Variants in PTPRK observed in about 807,000 individuals in gnomAD.
PTPRK encodes the protein receptor-type tyrosine-protein phosphatase kappa.
PTPRK carries 75 observed loss-of-function variants against 178.0 expected under a neutral mutation model. The observed-to-expected ratio is 0.42, with a 90% CI of 0.35 to 0.51. PTPRK has a LOEUF of 0.51. Ranked by LOEUF, PTPRK falls within the 20% of genes least tolerant of loss-of-function variation. PTPRK has a pLI of 0.02. For synonymous variants in PTPRK, 637 were observed against 620.6 expected (o/e 1.03, Z -0.39); for missense variants, 1,441 against 1,797.8 (o/e 0.80, Z 3.59).
At chr6:128,359,954 C>G (rs1166753336) in intron 2 of PTPRK, among the ~76,000 whole-genome samples, 1 of 152,040 alleles carries the variant, frequency 6.6e-6, no homozygotes, top group African/African-American at 2.4e-5. Flanking sequence ...CAAGCATTTT[C>G]CACTGTATTA....
chr6:128,030,740 C>G (rs1393776022), intron 13 of PTPRK, among the ~76,000 whole-genome samples: 1 of 152,164 alleles, frequency 6.6e-6, no homozygotes, highest in Non-Finnish European at 1.5e-5. Context: ...AGCTTGTGCA[C>G]ATCAGGCTTG....
At chr6:128,018,248 T>C (rs75011138) in intron 13 of PTPRK, among the ~76,000 whole-genome samples, 2 of 152,092 alleles carry the variant, frequency 1.3e-5, no homozygotes, top group East Asian at 3.9e-4. Flanking sequence ...AGGTAACATA[T>C]TAAAAATGCT....
rs1364117908 is a variant in PTPRK at position 128,365,694 on chromosome 6, C to G, written c.223+31872G>C. Among the ~76,000 whole-genome samples, 3 of 152,196 alleles carry G rather than the reference C, an allele frequency of 2.0e-5. No homozygotes were observed. The East Asian group carries it at 5.8e-4, about 29-fold the overall frequency. On this transcript the variant is annotated intron_variant, in intron 2 of 29. Coordinates refer to ENST00000368226, the MANE Select transcript of PTPRK (RefSeq NM_002844.4). Reference sequence around the variant, plus strand: ...AATTTGTTATCAATATCAGCCTTGTCTTTGTACTTTTAGAACACAGAGAAC... The same window carrying G: ...AATTTGTTATCAATATCAGCCTTGTGTTTGTACTTTTAGAACACAGAGAAC...
At chr6:128,032,295 G>A (rs908230710) in intron 13 of PTPRK, among the ~76,000 whole-genome samples, 1 of 152,086 alleles carries the variant, frequency 6.6e-6, no homozygotes, top group Non-Finnish European at 1.5e-5. Context: ...TCTATGCTGT[G>A]TTTTTCAGCC....
intron 2 of PTPRK, among the ~76,000 whole-genome samples, chr6:128,395,917 C>A (rs541580030): frequency 6.6e-6 from 1 of 151,954 alleles, no homozygotes; most frequent in Non-Finnish European, 1.5e-5. Context: ...GTACACATCA[C>A]GGGGGAACCA....
intron 1 of PTPRK, among the ~76,000 whole-genome samples, chr6:128,513,793 T>A (rs1857522380): frequency 6.6e-6 from 1 of 152,168 alleles, no homozygotes; most frequent in East Asian, 1.9e-4. Flanking sequence ...TGATGCTAAT[T>A]ATATTGGTCC....
At chr6:128,455,274 A>G (rs980024950) in intron 1 of PTPRK, among the ~76,000 whole-genome samples, 1 of 152,150 alleles carries the variant, frequency 6.6e-6, no homozygotes, top group Non-Finnish European at 1.5e-5. Context: ...TAGATCCAAA[A>G]TGGGTATATT....
chr6:128,302,127 G>A (rs992758549), intron 3 of PTPRK, among the ~76,000 whole-genome samples: 2 of 151,864 alleles, frequency 1.3e-5, no homozygotes, highest in African/African-American at 2.4e-5. Context: ...GGTGGCTCAC[G>A]CCTGTAATCT....
At chr6:128,086,415 G>C (rs1785835857) in intron 8 of PTPRK, among the ~76,000 whole-genome samples, 1 of 152,040 alleles carries the variant, frequency 6.6e-6, no homozygotes, top group East Asian at 1.9e-4. Flanking sequence ...AGAAAATTCT[G>C]TTCGTCCATT....
At chr6:128,448,818 A>G (rs564781064) in intron 1 of PTPRK, among the ~76,000 whole-genome samples, 1 of 152,284 alleles carries the variant, frequency 6.6e-6, no homozygotes, top group African/African-American at 2.4e-5. Flanking sequence ...CTTATGTGTC[A>G]CTGTCCAATG....
intron 19 of PTPRK, among the ~76,000 whole-genome samples, chr6:127,991,683 T>C (rs1014936473): frequency 2.0e-5 from 3 of 151,034 alleles, no homozygotes; most frequent in African/African-American, 7.3e-5. Context: ...GTCACTTTAA[T>C]GCATCTTCAA....
chr6:128,486,720 G>C (rs1029381840), intron 1 of PTPRK, among the ~76,000 whole-genome samples: 1 of 152,024 alleles, frequency 6.6e-6, no homozygotes, highest in Non-Finnish European at 1.5e-5. Context: ...GGAGGTGGCA[G>C]TGAGCTGAGA....
chr6:128,194,312 T>A (rs1443215365), intron 6 of PTPRK, among the ~76,000 whole-genome samples: 1 of 151,908 alleles, frequency 6.6e-6, no homozygotes, highest in Non-Finnish European at 1.5e-5. Flanking sequence ...GGTCTCGATC[T>A]CCTGACCTCG....
intron 3 of PTPRK, among the ~76,000 whole-genome samples, chr6:128,314,655 T>C (rs1827753385): frequency 6.6e-6 from 1 of 151,966 alleles, no homozygotes; most frequent in South Asian, 2.1e-4. Context: ...AGACTAGCTA[T>C]CATCCCATAT....
At chr6:128,373,461 G>A (rs924833290) in intron 2 of PTPRK, among the ~76,000 whole-genome samples, 6 of 152,130 alleles carry the variant, frequency 3.9e-5, no homozygotes, top group Non-Finnish European at 5.9e-5. Flanking sequence ...TTAAATACTA[G>A]TCCTAACTCA....
chr6:128,185,675 CT>C (rs1054976952), intron 6 of PTPRK, among the ~76,000 whole-genome samples: 4 of 152,180 alleles, frequency 2.6e-5, no homozygotes, highest in African/African-American at 9.6e-5. Context: ...TAATTTAAAA[CT>C]TTTTTTAAGA....
intron 3 of PTPRK, among the ~76,000 whole-genome samples, chr6:128,319,800 GT>G (rs1171369325): frequency 6.6e-6 from 1 of 152,078 alleles, no homozygotes; most frequent in Non-Finnish European, 1.5e-5. Context: ...CATAAATATA[GT>G]TTATGTTATG....
rs1858891089 is a variant in PTPRK, at chr6:128,520,456, G to A, written c.-98C>T. 1 of 1,179,232 alleles carries A rather than the reference G, an allele frequency of 8.5e-7. No homozygotes were observed. The highest frequency in any genetic ancestry group is 1.2e-6 in the Non-Finnish European group (1 of 816,290). The allele number at this position is 1,179,232 out of a possible 1,614,324, so 73.0% of individuals were successfully genotyped here. ...AGGAGCGGGCCGGGCCTCGCGGGGT[G>A]AGGACGGTGAGAGGACAGCCGCCCG... On this transcript the variant is annotated 5_prime_UTR_variant, in exon 1 of 30. Coordinates refer to ENST00000368226, the MANE Select transcript of PTPRK (RefSeq NM_002844.4).
At chr6:128,043,540 T>C (rs931630750) in intron 13 of PTPRK, among the ~76,000 whole-genome samples, 19 of 151,818 alleles carry the variant, frequency 1.3e-4, no homozygotes, top group Non-Finnish European at 2.5e-4. Flanking sequence ...AATATCATAC[T>C]ATAAAGCCAA....
Sources: allele counts gnomAD v4.1 joint callset (sites outside exome capture counted in the v4.1 genomes callset), GRCh38; gene constraint gnomAD v4.1.1; transcripts MANE v1.5; gene names NCBI Gene and HGNC (gene_info 2026-07-23, HGNC 2026-07-21).